SRFBP1: variants seen among roughly 807,000 people sequenced by gnomAD.
SRFBP1 encodes serum response factor binding protein 1, also known as serum response factor-binding protein 1.
In SRFBP1, 47 loss-of-function variants were observed where a neutral mutation model predicts 45.5. The observed-to-expected ratio is 1.03, with a 90% CI of 0.82 to 1.32. The LOEUF is 1.32. Among genes scored for constraint, SRFBP1 ranks in the 40% most tolerant of loss-of-function variants. SRFBP1 has a pLI of 0.00. For missense variants in SRFBP1, 621 were observed against 484.6 expected, an observed-to-expected ratio of 1.28 and a Z score of -2.64; for synonymous variants, 203 against 166.3, an observed-to-expected ratio of 1.22 and a Z score of -1.70.
chr5:122,022,476 A>G (rs867608332), intron 7 of SRFBP1, 69 bp downstream of exon 7: 2 of 1,397,920 alleles, frequency 1.4e-6, no homozygotes, highest in Middle Eastern at 1.8e-4. Flanking sequence ...AAAGAATGAG[A>G]AATTGTTGTT....
intron 2 of SRFBP1, among the ~76,000 whole-genome samples, chr5:122,068,931 G>T (rs1754376536): frequency 6.6e-6 from 1 of 151,952 alleles, no homozygotes; most frequent in African/African-American, 2.4e-5. Flanking sequence ...TGGTGTTCTG[G>T]CGGTGGGGGT....
intron 4 of SRFBP1, among the ~76,000 whole-genome samples, chr5:121,997,366 C>A (rs554827062): frequency 6.6e-6 from 1 of 150,666 alleles, no homozygotes; most frequent in East Asian, 1.9e-4. Flanking sequence ...CGCCGCATAC[C>A]TATAACTGTC....
chr5:122,001,101 G>A (rs901834918), intron 4 of SRFBP1, among the ~76,000 whole-genome samples: 4 of 151,796 alleles, frequency 2.6e-5, no homozygotes, highest in African/African-American at 9.7e-5. Flanking sequence ...CCTCCATAAA[G>A]TTTTGCTTTT....
At chr5:122,029,395 C>G (rs1021579670), downstream of SRFBP1, among the ~76,000 whole-genome samples, 1 of 151,976 alleles carries the variant, frequency 6.6e-6, no homozygotes, top group African/African-American at 2.4e-5. Context: ...AGGCATAGTT[C>G]CACTTACTCC....
At chr5:122,060,467 C>T (rs1340881570) in intron 2 of SRFBP1, among the ~76,000 whole-genome samples, 1 of 151,992 alleles carries the variant, frequency 6.6e-6, no homozygotes, top group Non-Finnish European at 1.5e-5. Context: ...TTGAAGCATC[C>T]TCTTACTTGA....
Position 122,075,331 on chromosome 5 carries a change from G to A in SRFBP1, n.328G>A, listed in dbSNP as rs1439140790. 3.7e-6 allele frequency: 5 copies of A among 1,341,796 alleles called. No homozygotes were observed. The East Asian group carries it at 1.2e-4, about 32-fold the overall frequency. The allele number at this position is 1,341,796 out of a possible 1,614,324, so 83.1% of individuals were successfully genotyped here. On this transcript the variant is annotated non_coding_transcript_exon_variant, in exon 3 of 3. Transcript: ENST00000504881. ...TCCCTTCAGGTAAGAAATAAGACTT[G>A]CATTTGTGATATCAAAAATCACCTG...
chr5:122,038,279 C>G (rs1753722784), intron 2 of SRFBP1, among the ~76,000 whole-genome samples: 2 of 151,938 alleles, frequency 1.3e-5, no homozygotes, highest in African/African-American at 4.8e-5. Context: ...GGAAGGAGCC[C>G]AAAAGCCCAA....
intron 2 of SRFBP1, among the ~76,000 whole-genome samples, chr5:122,038,508 A>G (rs897474430): frequency 3.3e-5 from 5 of 152,212 alleles, no homozygotes; most frequent in Non-Finnish European, 5.9e-5. Context: ...ACTAGTTTGC[A>G]AGCAAAACAA....
At chr5:121,979,001 G>A (rs1325215314) in intron 3 of SRFBP1, among the ~76,000 whole-genome samples, 1 of 152,000 alleles carries the variant, frequency 6.6e-6, no homozygotes, top group Non-Finnish European at 1.5e-5. Flanking sequence ...ATCATCCTTT[G>A]AGCTTACAAT....
chr5:122,077,263 CG>C, downstream of SRFBP1: 3 of 1,562,890 alleles, frequency 1.9e-6, no homozygotes, highest in South Asian at 2.4e-5. This position sits in a 1 kb window ranked among gnomAD's most constrained non-coding sequence, Gnocchi z 4.9. Flanking sequence ...CTGCGAGGAC[CG>C]GGGCCCGCCG....
At chr5:122,007,409 G>A (rs1267247081) in intron 4 of SRFBP1, among the ~76,000 whole-genome samples, 1 of 151,812 alleles carries the variant, frequency 6.6e-6, no homozygotes, top group Non-Finnish European at 1.5e-5. Flanking sequence ...CCAGCATGGA[G>A]CCTAGGTCCA....
At chr5:122,051,684 C>G (rs915357415) in intron 2 of SRFBP1, among the ~76,000 whole-genome samples, 1 of 151,682 alleles carries the variant, frequency 6.6e-6, no homozygotes, top group Non-Finnish European at 1.5e-5. Context: ...GAAAACCCTT[C>G]TTGGGTCTTG....
At chr5:122,059,679 A>G (rs565451640) in intron 2 of SRFBP1, among the ~76,000 whole-genome samples, 1 of 152,178 alleles carries the variant, frequency 6.6e-6, no homozygotes, top group South Asian at 2.1e-4. Context: ...GAACATGGGT[A>G]TTTTGCTGCA....
intron 2 of SRFBP1, among the ~76,000 whole-genome samples, chr5:122,058,587 T>A (rs964107888): frequency 6.6e-6 from 1 of 151,272 alleles, no homozygotes. Context: ...GCCCTATGTC[T>A]AGAACGTAGC....
intron 3 of SRFBP1, among the ~76,000 whole-genome samples, chr5:121,980,039 C>T (rs1006273565): frequency 5.3e-5 from 8 of 152,150 alleles, no homozygotes; most frequent in African/African-American, 1.2e-4. Flanking sequence ...CATGTTAACA[C>T]GAAGACTAAA....
chr5:122,020,663 C>T lies in SRFBP1; in HGVS notation c.928C>T (p.Leu310=), dbSNP rs1753296384. ...CHSSVKEQKP[L]EKVFLKEDTG... is the part of the protein sequence containing the mutation. ...TTCTTCAGTTAAGGAACAAAAACCACTAGAAAAAGTGTTTCTTAAAGAAGA... is the reference window on the plus strand; with the variant it reads ...TTCTTCAGTTAAGGAACAAAAACCATTAGAAAAAGTGTTTCTTAAAGAAGA... The change falls in exon 6 of 8, where the codon CTA becomes TTA. Residue 310 remains leucine (L), a synonymous_variant. Coordinates refer to ENST00000339397, the MANE Select transcript of SRFBP1 (RefSeq NM_152546.3). 6.2e-7 allele frequency: 1 copy of T among 1,613,866 alleles called. No homozygotes were observed. Among genetic ancestry groups the T allele is most frequent in the Admixed American group, 1.7e-5 (1 of 59,968 alleles).
chr5:122,028,237 T>C lies in SRFBP1; in HGVS notation c.*1111T>C, dbSNP rs1406550560. 1 of 152,238 alleles carries C rather than the reference T, an allele frequency of 6.6e-6. No individual in the cohort carries two copies. Among genetic ancestry groups the C allele is most frequent in the East Asian group, 1.9e-4 (1 of 5,204 alleles). The allele number at this position is 152,238 out of a possible 1,614,324, so 9.4% of individuals were successfully genotyped here. A position where few individuals can be genotyped will look rare whatever the true frequency, so the allele number is the denominator to read the frequency against. ...GTTTCCTGCACATTAGTTCCTTTAATGGCAGGGAAGGCCATCTGGTTAACC... is the reference window on the plus strand; with the variant it reads ...GTTTCCTGCACATTAGTTCCTTTAACGGCAGGGAAGGCCATCTGGTTAACC... On this transcript the variant is annotated 3_prime_UTR_variant, in exon 8 of 8. Coordinates refer to ENST00000339397, the MANE Select transcript of SRFBP1 (RefSeq NM_152546.3).
intron 2 of SRFBP1, among the ~76,000 whole-genome samples, chr5:122,046,891 C>T (rs1313747752): frequency 7.2e-5 from 11 of 151,912 alleles, no homozygotes; most frequent in South Asian, 2.1e-4. Context: ...TTTGATGGGG[C>T]TGTTTGTTTT....
At chr5:122,066,775 A>C in intron 2 of SRFBP1, 1 of 1,490,430 alleles carries the variant, frequency 6.7e-7, no homozygotes, top group Non-Finnish European at 9.4e-7. Flanking sequence ...AAAATAAGAC[A>C]AATTATTAAC....
Sources: allele counts gnomAD v4.1 joint callset (sites outside exome capture counted in the v4.1 genomes callset), GRCh38; gene constraint gnomAD v4.1.1; non-coding constraint Gnocchi (gnomAD v3.1); transcripts MANE v1.5; gene names NCBI Gene and HGNC (gene_info 2026-07-23, HGNC 2026-07-21).